GSDME: variants seen among roughly 807,000 people sequenced by gnomAD.
GSDME encodes the protein gasdermin E, also known as gasdermin-E.
Under a neutral mutation model 47.5 loss-of-function variants are expected in GSDME, and 44 were observed. That is an observed-to-expected ratio of 0.93 (90% confidence interval 0.73 to 1.19). The LOEUF (loss-of-function observed/expected upper bound fraction) is 1.19, where lower values mean the gene tolerates loss of function less well. GSDME is among the 50% of genes most tolerant of loss of function. GSDME has a pLI of 0.00. For missense variants in GSDME, 663 were observed against 604.2 expected (o/e 1.10, Z -1.02); for synonymous variants, 258 against 252.8 (o/e 1.02, Z -0.20).
the GSDME span, among the ~76,000 whole-genome samples, chr7:24,775,237 CCTT>C: frequency 5.3e-5 from 8 of 152,128 alleles, no homozygotes; most frequent in African/African-American, 1.7e-4. Flanking sequence ...AAAGCAAAGA[CCTT>C]CTTTCAGATT....
In GSDME at chr7:24,732,334, C is replaced by T. The variant is rs1790172181; in HGVS notation, c.404+12228G>A. ...AGACATGGCTCCTCAAATCTTTCTC[C>T]TTGAAAAACTCCTAAATGTTAAAGG... On this transcript the variant is annotated intron_variant, in intron 3 of 9. Transcript: ENST00000645220. The surrounding 1 kb of genome is among the most constrained non-coding windows in gnomAD (Gnocchi z 4.8). Among the ~76,000 whole-genome samples, 2 of 152,172 alleles carry T rather than the reference C, an allele frequency of 1.3e-5. No homozygotes were observed. The highest frequency in any genetic ancestry group is 1.3e-4 in the Admixed American group (2 of 15,276).
chr7:24,712,102 T>C lies in GSDME; in HGVS notation c.698-1714A>G, dbSNP rs1455765541. On this transcript the variant is annotated intron_variant, in intron 5 of 9. Transcript: ENST00000645220. This position sits in a 1 kb window ranked among gnomAD's most constrained non-coding sequence, Gnocchi z 4.4. ...TTCATTTGCTTGTGGGCATTAATGATGCTCATAAAGATAGAATGGAAAAGA... is the reference window on the plus strand; with the variant it reads ...TTCATTTGCTTGTGGGCATTAATGACGCTCATAAAGATAGAATGGAAAAGA... 1.3e-5 allele frequency among the ~76,000 whole-genome samples: 2 copies of C among 152,184 alleles called. No individual in the cohort carries two copies. The highest frequency in any genetic ancestry group is 2.9e-5 in the Non-Finnish European group (2 of 68,030).
intron 3 of GSDME, among the ~76,000 whole-genome samples, chr7:24,740,344 A>C (rs1790448465): frequency 6.6e-6 from 1 of 152,034 alleles, no homozygotes; most frequent in Non-Finnish European, 1.5e-5. Flanking sequence ...TAAAAATAGA[A>C]AGAATGAATA....
chr7:24,717,045 T>C (rs1789585373), intron 5 of GSDME: 4 of 600,666 alleles, frequency 6.7e-6, no homozygotes, highest in African/African-American at 3.7e-5. Context: ...GAGGGTGGCA[T>C]TGCTCCAGGC....
At chr7:24,749,446 G>A in intron 2 of GSDME, 118 bp downstream of exon 2, 1 of 880,484 alleles carries the variant, frequency 1.1e-6, no homozygotes, top group Non-Finnish European at 1.8e-6. Flanking sequence ...AGGTTGCAAT[G>A]GGCCAAGATC....
In GSDME at chr7:24,742,191, G is replaced by A. The variant is rs12666008; in HGVS notation, c.404+2371C>T. On this transcript the variant is annotated intron_variant, in intron 3 of 9. Transcript: ENST00000645220. The surrounding 1 kb of genome is among the most constrained non-coding windows in gnomAD (Gnocchi z 4.4). ...CCCACCAAGTATCCTCCCTAGGGACGCGGGTTCATGCCTCGGCCTTAACAT... is the reference window on the plus strand; with the variant it reads ...CCCACCAAGTATCCTCCCTAGGGACACGGGTTCATGCCTCGGCCTTAACAT... Among the ~76,000 whole-genome samples the A allele has an allele frequency of 5.3e-4, 80 of 152,246 alleles. 1 individual carries two copies. The East Asian group carries it at 0.013, about 25-fold the overall frequency.
the GSDME span, among the ~76,000 whole-genome samples, chr7:24,791,057 C>T: frequency 6.6e-6 from 1 of 152,122 alleles, no homozygotes. This position sits in a 1 kb window ranked among gnomAD's most constrained non-coding sequence, Gnocchi z 4.8. Context: ...TCTTCAGAGT[C>T]ACTTTGCAGG....
intron 1 of GSDME, among the ~76,000 whole-genome samples, chr7:24,755,023 T>C (rs981506027): frequency 6.6e-6 from 1 of 152,202 alleles, no homozygotes; most frequent in Non-Finnish European, 1.5e-5. Flanking sequence ...TTAATCTTCA[T>C]AATAACTCTT....
intron 4 of GSDME, among the ~76,000 whole-genome samples, chr7:24,717,837 G>T (rs1789627316): frequency 6.6e-6 from 1 of 152,164 alleles, no homozygotes; most frequent in Non-Finnish European, 1.5e-5. Context: ...ATAAAACCAG[G>T]AACAGAGAGG....
In GSDME at chr7:24,712,821, C is replaced by G. The variant is rs1300648482; in HGVS notation, c.698-2433G>C. Among the ~76,000 whole-genome samples the G allele has an allele frequency of 6.6e-6, 1 of 152,094 alleles. No homozygotes were observed. The highest frequency in any genetic ancestry group is 6.5e-5 in the Admixed American group (1 of 15,276). ...ATCACCTGAGGTCAGGAGTTTGAGACCAGCCTGACCAACATGGAGAAACCT... is the reference window on the plus strand; with the variant it reads ...ATCACCTGAGGTCAGGAGTTTGAGAGCAGCCTGACCAACATGGAGAAACCT... On this transcript the variant is annotated intron_variant, in intron 5 of 9. Transcript: ENST00000645220. The surrounding 1 kb of genome is among the most constrained non-coding windows in gnomAD (Gnocchi z 4.4).
intron 8 of GSDME, 30 bp from the exon 9 acceptor site, chr7:24,702,863 C>A: frequency 6.2e-7 from 1 of 1,602,558 alleles, no homozygotes; most frequent in South Asian, 1.1e-5. Context: ...CAGTCACAGT[C>A]CAAAAAAACA....
Position 24,708,214 on chromosome 7 carries a change from C to A in GSDME, c.903G>T (p.Glu301Asp). 6.2e-7 allele frequency: 1 copy of A among 1,614,168 alleles called. No individual in the cohort carries two copies. Among genetic ancestry groups the A allele is most frequent in the East Asian group, 2.2e-5 (1 of 44,880 alleles). Residue 301 changes from glutamate (E) to aspartate (D), a missense_variant, in exon 7 of 10, where the codon GAG becomes GAT. Transcript: ENST00000645220. ...AAGCTGTCTGTTGTGGCTCAGGCAG[C>A]TCCGCAAATGGATGGAAATTCCTCT... is the stretch of plus-strand genomic sequence containing the variant. The part of the protein sequence containing the change: ...LLERNFHPFA[E>D]LPEPQQTALS...
In GSDME at chr7:24,717,264, G is replaced by A. The variant is rs371054976; in HGVS notation, c.687C>T (p.Asp229=). 70 of 1,579,772 alleles carry A rather than the reference G, an allele frequency of 4.4e-5. No individual in the cohort carries two copies. Among genetic ancestry groups the A allele is most frequent in the Middle Eastern group, 3.7e-4 (2 of 5,408 alleles). ...YGVIELYVKL[D]GQFEFCLLRG... is the part of the protein sequence containing the mutation. Reference sequence around the variant, plus strand: ...GGAGGTGGCACTCACCGAACTGGCCGTCCAGTTTCACGTATAACTCAATGA... The same window carrying A: ...GGAGGTGGCACTCACCGAACTGGCCATCCAGTTTCACGTATAACTCAATGA... The change falls in exon 5 of 10, where the codon GAC becomes GAT. Residue 229 remains aspartate (D), a synonymous_variant. Transcript: ENST00000645220.
chr7:24,755,116 A>G (rs565228591), intron 1 of GSDME, among the ~76,000 whole-genome samples: 18 of 152,356 alleles, frequency 1.2e-4, no homozygotes, highest in African/African-American at 3.6e-4. Flanking sequence ...AAGCAGCCCT[A>G]TCAGGGAACT....
the GSDME span, among the ~76,000 whole-genome samples, chr7:24,774,510 T>A: frequency 1.3e-4 from 19 of 151,590 alleles, no homozygotes; most frequent in South Asian, 8.4e-4. Context: ...CTTCCTTTTT[T>A]AAAAAAAATT....
Position 24,717,484 on chromosome 7 carries a change from C to T in GSDME, c.577-110G>A, listed in dbSNP as rs894470787. ...ATACATAAGAGATGCTGAGCAATGT[C>T]CACAGAACCGAGTGGAACAGAGGAG... On this transcript the variant is annotated intron_variant, in intron 4 of 9. Transcript: ENST00000645220. 9.8e-6 allele frequency: 15 copies of T among 1,535,282 alleles called. No homozygotes were observed. In the African/African-American group the frequency reaches 1.2e-4, roughly 13 times the overall value.
At chr7:24,769,470 CTG>C in the GSDME span, among the ~76,000 whole-genome samples, 1 of 152,190 alleles carries the variant, frequency 6.6e-6, no homozygotes, top group Non-Finnish European at 1.5e-5. Context: ...TCAAGAGAAA[CTG>C]TTTCACCAAA....
chr7:24,780,698 C>T, the GSDME span, among the ~76,000 whole-genome samples: 1 of 152,210 alleles, frequency 6.6e-6, no homozygotes, highest in African/African-American at 2.4e-5. The surrounding 1 kb of genome is among the most constrained non-coding windows in gnomAD (Gnocchi z 4.1). Context: ...GGTGGTTACG[C>T]CCTCTCTCAA....
intron 3 of GSDME, among the ~76,000 whole-genome samples, chr7:24,741,368 T>G (rs1434152590): frequency 2.6e-5 from 4 of 152,030 alleles, no homozygotes; most frequent in Non-Finnish European, 5.9e-5. Context: ...CTCAATAAAT[T>G]TGTTATTCTC....
Sources: allele counts gnomAD v4.1 joint callset (sites outside exome capture counted in the v4.1 genomes callset), GRCh38; gene constraint gnomAD v4.1.1; non-coding constraint Gnocchi (gnomAD v3.1); transcripts MANE v1.5; gene names NCBI Gene and HGNC (gene_info 2026-07-23, HGNC 2026-07-21).